The following CCDC30 variants were observed in gnomAD, a reference collection of about 807,000 sequenced individuals.
The protein encoded by CCDC30 is coiled-coil domain containing 30.
CCDC30 carries 70 observed loss-of-function variants against 100.2 expected under a neutral mutation model. That is an observed-to-expected ratio of 0.70 (90% CI 0.58 to 0.85). CCDC30 has a LOEUF of 0.85. CCDC30 is among the 40% of genes least tolerant of loss of function. The pLI is 0.00. For synonymous variants in CCDC30, 233 were observed against 269.5 expected (o/e 0.86, Z 1.33); for missense variants, 652 against 771.2 (o/e 0.85, Z 1.83).
At chr1:42,628,980 T>C (rs1646983550) in intron 11 of CCDC30, among the ~76,000 whole-genome samples, 1 of 152,264 alleles carries the variant, frequency 6.6e-6, no homozygotes, top group Non-Finnish European at 1.5e-5. Context: ...GTTTATATCT[T>C]ATTGTACTAT....
upstream of CCDC30, chr1:42,459,937 C>A: frequency 1.3e-6 from 2 of 1,576,104 alleles, no homozygotes; most frequent in Non-Finnish European, 1.7e-6. Flanking sequence ...AGTAAAAAGC[C>A]CTTATAGGAT....
rs2148691613 is a variant in CCDC30, at chr1:42,646,196, CAACAAAGA to C, written c.1738_1745del (p.Lys580GlufsTer7). Reference sequence around the variant, plus strand: ...AGAGGCAAGCTGGCTTCTCTCCCTCCAACAAAGAAACAGAAAGAAATATACAGCACTGA... The same window carrying C: ...AGAGGCAAGCTGGCTTCTCTCCCTCCAACAGAAAGAAATATACAGCACTGA... On this transcript the variant is annotated frameshift_variant, in exon 15 of 17. Coordinates refer to ENST00000668663, the Ensembl canonical transcript of CCDC30. LOFTEE classifies it high-confidence loss of function. The C allele has an allele frequency of 6.3e-7, 1 of 1,593,376 alleles. No individual in the cohort carries two copies. Among genetic ancestry groups the C allele is most frequent in the South Asian group, 1.1e-5 (1 of 88,566 alleles).
chr1:42,531,627 C>A (rs1200911943), intron 6 of CCDC30, among the ~76,000 whole-genome samples: 1 of 151,920 alleles, frequency 6.6e-6, no homozygotes, highest in Non-Finnish European at 1.5e-5. Context: ...CTAGGCGTGG[C>A]GGCGCATGCC....
rs531663893 is a variant in CCDC30, at chr1:42,543,395, C to G, written c.457-22901C>G. Reference sequence around the variant, plus strand: ...GGAGTGCTGTGGCACGATCTTGGCTCATTGCAATCTCCACCTCACAGGTTC... The same window carrying G: ...GGAGTGCTGTGGCACGATCTTGGCTGATTGCAATCTCCACCTCACAGGTTC... On this transcript the variant is annotated intron_variant, in intron 6 of 16. Transcript: ENST00000668663. 6.6e-5 allele frequency among the ~76,000 whole-genome samples: 10 copies of G among 151,974 alleles called. No homozygotes were observed. The South Asian group carries it at 2.1e-3, about 32-fold the overall frequency.
chr1:42,518,230 A>G (rs1213823272), intron 6 of CCDC30, among the ~76,000 whole-genome samples: 4 of 152,132 alleles, frequency 2.6e-5, no homozygotes, highest in Non-Finnish European at 5.9e-5. Context: ...TCATGCTATT[A>G]TAAATAGAAT....
At chr1:42,528,485 G>A (rs1484263114) in intron 6 of CCDC30, among the ~76,000 whole-genome samples, 1 of 152,214 alleles carries the variant, frequency 6.6e-6, no homozygotes, top group Non-Finnish European at 1.5e-5. Flanking sequence ...GCCAGGGAAA[G>A]CCTTCAGATC....
At chr1:42,493,673 A>T (rs746864787) in intron 4 of CCDC30, among the ~76,000 whole-genome samples, 1 of 152,224 alleles carries the variant, frequency 6.6e-6, no homozygotes, top group Admixed American at 6.5e-5. Flanking sequence ...CAGAAAGAAC[A>T]ACATTGATAA....
At chr1:42,646,460 G>A (rs1405385821) in intron 15 of CCDC30, 143 bp downstream of exon 19, 1 of 1,156,134 alleles carries the variant, frequency 8.6e-7, no homozygotes, top group Non-Finnish European at 1.1e-6. Context: ...CACTTTCTTG[G>A]GTTTCCTAGC....
intron 6 of CCDC30, among the ~76,000 whole-genome samples, chr1:42,515,227 T>A (rs1265377241): frequency 8.9e-5 from 13 of 146,278 alleles, no homozygotes; most frequent in South Asian, 4.4e-4. Flanking sequence ...AAAACAAGAA[T>A]AAGCAGCCAT....
chr1:42,498,930 AAGTT>A lies in CCDC30; in HGVS notation c.456+15_456+18del. ...CAGAGAGAACAGGTATTGTATTTTA[AAGTT>A]CTGTTCTTTCTGATCTCTAATTTTT... On this transcript the variant is annotated intron_variant, in intron 6 of 16. Transcript: ENST00000668663. The A allele has an allele frequency of 8.3e-7, 1 of 1,210,464 alleles. No individual in the cohort carries two copies. Among genetic ancestry groups the A allele is most frequent in the Non-Finnish European group, 1.0e-6 (1 of 966,498 alleles). The allele number at this position is 1,210,464 out of a possible 1,614,324, so 75.0% of individuals were successfully genotyped here.
At chr1:42,549,390 C>T (rs903793703) in intron 6 of CCDC30, among the ~76,000 whole-genome samples, 1 of 152,164 alleles carries the variant, frequency 6.6e-6, no homozygotes. Flanking sequence ...ACCAGCAGGA[C>T]TGGGATGAGG....
chr1:42,518,009 A>G (rs1644582024), intron 6 of CCDC30, among the ~76,000 whole-genome samples: 1 of 152,166 alleles, frequency 6.6e-6, no homozygotes, highest in Admixed American at 6.5e-5. Context: ...TTCTGCAAAA[A>G]ATATTGTTGG....
chr1:42,537,633 AATCAGTGCAC>A, intron 6 of CCDC30: 1 of 266,518 alleles, frequency 3.8e-6, no homozygotes, highest in Non-Finnish European at 7.3e-6. Context: ...TCCACCAGTC[AATCAGTGCAC>A]ATCCTGTGTC....
At chr1:42,495,627 A>C (rs948914066) in intron 4 of CCDC30, among the ~76,000 whole-genome samples, 10 of 152,042 alleles carry the variant, frequency 6.6e-5, no homozygotes, top group African/African-American at 2.4e-4. Flanking sequence ...CCCAGGAGGC[A>C]GAGGCTGCAG....
At chr1:42,457,968 A>C in the CCDC30 span, among the ~76,000 whole-genome samples, 38 of 151,718 alleles carry the variant, frequency 2.5e-4, no homozygotes, top group Non-Finnish European at 4.1e-4. Flanking sequence ...AAAAAAAAAA[A>C]AACACCAAAA....
intron 12 of CCDC30, among the ~76,000 whole-genome samples, chr1:42,637,803 T>C (rs1273237756): frequency 6.6e-6 from 1 of 152,224 alleles, no homozygotes; most frequent in Non-Finnish European, 1.5e-5. Context: ...TTCAAGCTTT[T>C]TTATGTTTGT....
chr1:42,513,790 G>A (rs915830752), intron 6 of CCDC30, among the ~76,000 whole-genome samples: 10 of 152,066 alleles, frequency 6.6e-5, no homozygotes, highest in African/African-American at 1.4e-4. Context: ...TTATAAAGAC[G>A]AGGTTTATTT....
chr1:42,641,747 A>G (rs1203521401), intron 12 of CCDC30, among the ~76,000 whole-genome samples: 1 of 151,638 alleles, frequency 6.6e-6, no homozygotes, highest in African/African-American at 2.4e-5. Context: ...GATGCCTGTA[A>G]TCCCAGCTAC....
At chr1:42,614,786 C>T (rs949399096) in intron 11 of CCDC30, among the ~76,000 whole-genome samples, 3 of 137,084 alleles carry the variant, frequency 2.2e-5, no homozygotes, top group African/African-American at 5.3e-5. Context: ...GACTCCATCT[C>T]GAAAAAAAAA....
Sources: allele counts gnomAD v4.1 joint callset (sites outside exome capture counted in the v4.1 genomes callset), GRCh38; gene constraint gnomAD v4.1.1; transcripts MANE v1.5; gene names NCBI Gene and HGNC (gene_info 2026-07-23, HGNC 2026-07-21).